The following CADM2 variants were observed in gnomAD, a reference collection of about 807,000 sequenced individuals.
CADM2 encodes the protein immunoglobulin superfamily member 4D.
In CADM2, 12 loss-of-function variants were observed where a neutral mutation model predicts 49.8. The ratio of observed to expected loss-of-function variants is 0.24; its 90% CI spans 0.15 to 0.39. The LOEUF (loss-of-function observed/expected upper bound fraction) is 0.39. Ranked by LOEUF, CADM2 falls within the 10% of genes least tolerant of loss-of-function variation. CADM2 has a pLI of 1.00. For missense variants in CADM2, 378 were observed against 492.3 expected, an observed-to-expected ratio of 0.77 and a Z score of 2.20; for synonymous variants, 214 against 175.4, an observed-to-expected ratio of 1.22 and a Z score of -1.74.
chr3:86,034,272 A>C (rs2107176414), intron 8 of CADM2, among the ~76,000 whole-genome samples: 1 of 152,092 alleles, frequency 6.6e-6, no homozygotes, highest in Non-Finnish European at 1.5e-5. Context: ...TGTTCCCATA[A>C]AAATTTATGT....
At chr3:84,989,471 ACTCT>A (rs1303038536) in intron 1 of CADM2, among the ~76,000 whole-genome samples, 1 of 150,008 alleles carries the variant, frequency 6.7e-6, no homozygotes, top group African/African-American at 2.5e-5. Flanking sequence ...TAATGAGCAA[ACTCT>A]CTCTCTTGTT....
chr3:85,654,656 C>T (rs2065143522), intron 1 of CADM2, among the ~76,000 whole-genome samples: 1 of 152,174 alleles, frequency 6.6e-6, no homozygotes, highest in Admixed American at 6.5e-5. Context: ...TAACAACCCA[C>T]TTAATATTAG....
At chr3:85,828,977 G>T (rs2074055514) in intron 3 of CADM2, among the ~76,000 whole-genome samples, 1 of 151,690 alleles carries the variant, frequency 6.6e-6, no homozygotes, top group Non-Finnish European at 1.5e-5. Context: ...ATTTTATCTG[G>T]GCTAAGTTGG....
intron 1 of CADM2, among the ~76,000 whole-genome samples, chr3:85,577,131 T>A (rs1468342117): frequency 2.0e-5 from 3 of 152,182 alleles, no homozygotes; most frequent in Non-Finnish European, 4.4e-5. Flanking sequence ...ATTTTTTTTC[T>A]TACAAAGGGT....
chr3:85,487,610 G>A (rs1012188400), intron 1 of CADM2, among the ~76,000 whole-genome samples: 1 of 149,542 alleles, frequency 6.7e-6, no homozygotes, highest in Admixed American at 6.8e-5. Flanking sequence ...AGTGGAGGAG[G>A]AGGAGGAGGA....
chr3:85,681,530 A>G (rs1193149706), intron 1 of CADM2, among the ~76,000 whole-genome samples: 1 of 152,036 alleles, frequency 6.6e-6, no homozygotes, highest in African/African-American at 2.4e-5. Flanking sequence ...TTTAAGTCAT[A>G]TATATGTGAA....
At chr3:85,600,426 T>G (rs2063358082) in intron 1 of CADM2, among the ~76,000 whole-genome samples, 1 of 151,954 alleles carries the variant, frequency 6.6e-6, no homozygotes, top group Non-Finnish European at 1.5e-5. Flanking sequence ...TGTAACATGC[T>G]GTATGAATTA....
chr3:86,023,604 C>T (rs576829557), intron 8 of CADM2, among the ~76,000 whole-genome samples: 134 of 152,058 alleles, frequency 8.8e-4, no homozygotes, highest in Non-Finnish European at 1.6e-3. Context: ...GTGATCTGCC[C>T]GCCTCGGCCT....
intron 1 of CADM2, among the ~76,000 whole-genome samples, chr3:85,111,060 G>A (rs150393524): frequency 1.4e-4 from 22 of 151,952 alleles, no homozygotes; most frequent in African/African-American, 4.8e-4. Context: ...TAAGTAAATT[G>A]TGACATCAGA....
intron 1 of CADM2, among the ~76,000 whole-genome samples, chr3:85,331,672 A>G (rs551774541): frequency 6.6e-6 from 1 of 152,040 alleles, no homozygotes; most frequent in South Asian, 2.1e-4. Flanking sequence ...TGGTAGACCT[A>G]TTATATTATT....
chr3:85,424,278 A>G (rs1344024919), intron 1 of CADM2, among the ~76,000 whole-genome samples: 1 of 151,910 alleles, frequency 6.6e-6, no homozygotes, highest in Non-Finnish European at 1.5e-5. Context: ...ATTATGTTTA[A>G]AAGCATATAG....
chr3:85,187,327 C>A (rs1046921622), intron 1 of CADM2, among the ~76,000 whole-genome samples: 1 of 152,012 alleles, frequency 6.6e-6, no homozygotes, highest in Non-Finnish European at 1.5e-5. Flanking sequence ...TTTTGAATCT[C>A]TATACATTGA....
intron 8 of CADM2, among the ~76,000 whole-genome samples, chr3:86,024,259 A>G (rs929591577): frequency 5.9e-5 from 9 of 152,180 alleles, no homozygotes; most frequent in African/African-American, 1.9e-4. Context: ...CCTACCTTTC[A>G]TTGGCAAGGG....
At chr3:85,404,704 G>T (rs1265309858) in intron 1 of CADM2, among the ~76,000 whole-genome samples, 1 of 152,112 alleles carries the variant, frequency 6.6e-6, no homozygotes, top group East Asian at 1.9e-4. Context: ...ATATCTGTTA[G>T]AATAGGATGT....
chr3:85,104,880 T>C (rs983383346), intron 1 of CADM2, among the ~76,000 whole-genome samples: 5 of 152,168 alleles, frequency 3.3e-5, no homozygotes, highest in African/African-American at 4.8e-5. Context: ...TGTCTGTTAT[T>C]GGTGTATAAG....
In CADM2 at chr3:85,660,912, T is replaced by TAA. The variant is rs562976361; in HGVS notation, c.62-65597_62-65596dup. Among the ~76,000 whole-genome samples, 261 of 138,266 alleles carry TAA rather than the reference T, an allele frequency of 1.9e-3. 1 individual carries two copies. Among genetic ancestry groups the TAA allele is most frequent in the East Asian group, 6.2e-3 (30 of 4,824 alleles). 90.7% of individuals were successfully genotyped at this position (138,266 alleles called of 152,430 possible). A position where few individuals can be genotyped will look rare whatever the true frequency, so the allele number is the denominator to read the frequency against. Reference sequence around the variant, plus strand: ...CGATTATTATAAACTATAATCAAACTAAAAAAAAAAAAAACAGAAGCACGA... The same window carrying TAA: ...CGATTATTATAAACTATAATCAAACTAAAAAAAAAAAAAAAACAGAAGCACGA... On this transcript the variant is annotated intron_variant, in intron 1 of 9. Transcript: ENST00000383699.
At chr3:85,261,572 A>T (rs59228295) in intron 1 of CADM2, among the ~76,000 whole-genome samples, 1 of 152,028 alleles carries the variant, frequency 6.6e-6, no homozygotes, top group Non-Finnish European at 1.5e-5. Context: ...AATATTTTCT[A>T]TGGCCTTCAG....
chr3:84,986,027 C>T (rs1429857174), intron 1 of CADM2, among the ~76,000 whole-genome samples: 1 of 152,172 alleles, frequency 6.6e-6, no homozygotes, highest in African/African-American at 2.4e-5. Flanking sequence ...TGAACTTCAT[C>T]AGACAACTAC....
chr3:85,003,747 CTT>C (rs2033586104), intron 1 of CADM2, among the ~76,000 whole-genome samples: 1 of 151,986 alleles, frequency 6.6e-6, no homozygotes, highest in Non-Finnish European at 1.5e-5. Flanking sequence ...CTATTGAAAA[CTT>C]TGTAAAGAAA....
Sources: gnomAD v4.1 joint callset for allele counts (sites outside exome capture counted in the v4.1 genomes callset) on GRCh38, gnomAD v4.1.1 for gene constraint, MANE v1.5 for transcripts, NCBI Gene and HGNC (gene_info 2026-07-23, HGNC 2026-07-21) for gene names.